RREB1: variants seen among roughly 807,000 people sequenced by gnomAD.
RREB1 encodes ras responsive element binding protein 1, also known as ras-responsive element-binding protein 1.
Under a neutral mutation model 117.8 loss-of-function variants are expected in RREB1, and 27 were observed. The observed-to-expected ratio is 0.23, with a 90% CI of 0.17 to 0.32. The LOEUF (loss-of-function observed/expected upper bound fraction) is 0.32. RREB1 is among the 10% of genes least tolerant of loss of function. The pLI is 1.00. For synonymous variants in RREB1, 1,298 were observed against 1,026.7 expected, an observed-to-expected ratio of 1.26 and a Z score of -5.05; for missense variants, 2,577 against 2,378.2, an observed-to-expected ratio of 1.08 and a Z score of -1.74.
chr6:7,110,174 T>C (rs1761066122), intron 1 of RREB1, among the ~76,000 whole-genome samples: 1 of 152,178 alleles, frequency 6.6e-6, no homozygotes, highest in Admixed American at 6.5e-5. Flanking sequence ...ATAAGTTTAA[T>C]TGAAGTGGAA....
rs199667523 is a variant in RREB1, at chr6:7,230,282, A to T, written c.2183A>T (p.Lys728Met). ...LRKKHLKATR[K>M]DIEKNIEYVS... Reference sequence around the variant, plus strand: ...AAGAAGCACCTCAAGGCCACCCGCAAGGATATCGAGAAGAACATCGAGTAT... The same window carrying T: ...AAGAAGCACCTCAAGGCCACCCGCATGGATATCGAGAAGAACATCGAGTAT... Residue 728 changes from lysine (K) to methionine (M), a missense_variant, in exon 10 of 13, where the codon AAG (lysine) becomes ATG (methionine). Coordinates refer to ENST00000379938, the MANE Select transcript of RREB1 (RefSeq NM_001003699.4). 20 of 1,596,434 alleles carry T rather than the reference A, an allele frequency of 1.3e-5. No individual in the cohort carries two copies. The African/African-American group carries it at 2.4e-4, about 19-fold the overall frequency.
chr6:7,121,490 A>G (rs111903766), intron 1 of RREB1, among the ~76,000 whole-genome samples: 2 of 152,176 alleles, frequency 1.3e-5, no homozygotes, highest in Non-Finnish European at 2.9e-5. Flanking sequence ...TGCCCTTAAT[A>G]TATTAGAGTT....
rs915280265 is a variant in RREB1 at position 7,182,024 on chromosome 6, A to C, written c.113A>C (p.Gln38Pro). Residue 38 changes from glutamine to proline, a missense_variant, in exon 4 of 13, where the codon CAG (glutamine) becomes CCG (proline). Coordinates refer to ENST00000379938, the MANE Select transcript of RREB1 (RefSeq NM_001003699.4). The part of the protein sequence containing the change: ...GKVTENGGSP[Q>P]GIKSPSKPPG... ...GTCACAGAGAATGGCGGGAGCCCCC[A>C]GGGGATCAAGTCCCCCTCGAAGCCT... The C allele has an allele frequency of 6.2e-7, 1 of 1,613,644 alleles. No homozygotes were observed. The highest frequency in any genetic ancestry group is 8.5e-7 in the Non-Finnish European group (1 of 1,179,932).
At chr6:7,186,677 G>A (rs1291947786) in intron 4 of RREB1, among the ~76,000 whole-genome samples, 2 of 152,142 alleles carry the variant, frequency 1.3e-5, no homozygotes, top group Non-Finnish European at 2.9e-5. Flanking sequence ...AACGACATTG[G>A]CTTTTTCTGA....
chr6:7,110,538 C>T (rs952070490), intron 1 of RREB1, among the ~76,000 whole-genome samples: 3 of 151,486 alleles, frequency 2.0e-5, no homozygotes, highest in Non-Finnish European at 2.9e-5. Flanking sequence ...CTTCTGGGTA[C>T]CCGCTGATGG....
chr6:7,109,290 G>A (rs1163032961), intron 1 of RREB1, among the ~76,000 whole-genome samples: 1 of 151,628 alleles, frequency 6.6e-6, no homozygotes, highest in Admixed American at 6.6e-5. Flanking sequence ...GCCTTGGGCC[G>A]GGCCCCCCGC....
intron 1 of RREB1, among the ~76,000 whole-genome samples, chr6:7,170,835 G>A (rs1764170700): frequency 6.6e-6 from 1 of 152,210 alleles, no homozygotes. Flanking sequence ...CTAAAGGAAG[G>A]TTTTCAGTGA....
intron 1 of RREB1, among the ~76,000 whole-genome samples, chr6:7,143,846 T>A (rs1410253018): frequency 8.8e-6 from 1 of 114,026 alleles, no homozygotes; most frequent in South Asian, 2.7e-4. Context: ...AGCCTTTTTT[T>A]CTTTCTTTTT....
intron 1 of RREB1, among the ~76,000 whole-genome samples, chr6:7,110,550 T>C (rs1761093664): frequency 6.6e-6 from 1 of 152,032 alleles, no homozygotes; most frequent in Non-Finnish European, 1.5e-5. Flanking sequence ...CGCTGATGGG[T>C]CCTGCTTTGA....
intron 6 of RREB1, among the ~76,000 whole-genome samples, chr6:7,198,099 G>A (rs1765758184): frequency 6.6e-6 from 1 of 152,190 alleles, no homozygotes; most frequent in Non-Finnish European, 1.5e-5. Flanking sequence ...GAAGGGTCCT[G>A]TGAACTTCCA....
intron 1 of RREB1, among the ~76,000 whole-genome samples, chr6:7,171,947 C>CTT (rs894735058): frequency 7.2e-5 from 10 of 139,386 alleles, no homozygotes; most frequent in South Asian, 2.3e-4. Context: ...GACCATTAGT[C>CTT]TTTTTTTTTT....
Position 7,231,675 on chromosome 6 carries a change from G to C in RREB1, c.3576G>C (p.Lys1192Asn), listed in dbSNP as rs749595162. The C allele has an allele frequency of 6.2e-7, 1 of 1,611,872 alleles. No homozygotes were observed. The stretch of plus-strand genomic sequence containing the variant: ...TGCTGGCCACCACAGACACCAACAA[G>C]TTCAGTCCGTTTCTGCAGACAGCGG... ...EKMLATTDTN[K>N]FSPFLQTAED... Residue 1192 changes from lysine to asparagine, a missense_variant, in exon 10 of 13, where the codon AAG becomes AAC. Transcript: ENST00000379938.
intron 1 of RREB1, among the ~76,000 whole-genome samples, chr6:7,118,801 ATTTTTTTTTTTTTTTTTT>A (rs70978942): frequency 2.1e-5 from 1 of 47,056 alleles, no homozygotes. Context: ...GTTTTTTTTA[ATTTTTTTTTTTTTTTTTT>A]TTTTTTTTTT....
At chr6:7,187,412 C>T (rs373220479) in intron 4 of RREB1, 22 bp from the exon 5 acceptor site, 2 of 1,447,526 alleles carry the variant, frequency 1.4e-6, no homozygotes, top group Non-Finnish European at 1.9e-6. Flanking sequence ...AATTTATCTT[C>T]CCTTTTAATC....
Position 7,230,621 on chromosome 6 carries a change from C to A in RREB1, c.2522C>A (p.Ala841Glu). The A allele has an allele frequency of 1.2e-6, 2 of 1,604,034 alleles. No homozygotes were observed. The highest frequency in any genetic ancestry group is 1.7e-6 in the Non-Finnish European group (2 of 1,175,538). The part of the protein sequence containing the change: ...LGPAEAPAAE[A>E]SGRGEDSGCA... ...CCCGCAGAGGCGCCGGCCGCTGAGG[C>A]GTCGGGGCGCGGGGAGGACAGTGGC... Residue 841 changes from alanine to glutamate, a missense_variant, in exon 10 of 13, where the codon GCG (alanine) becomes GAG (glutamate). Transcript: ENST00000379938.
intron 4 of RREB1, chr6:7,184,476 C>A (rs1764973350): frequency 6.6e-6 from 1 of 150,814 alleles, no homozygotes; most frequent in Admixed American, 6.6e-5. Context: ...CCAGGCTGGT[C>A]TCAAACTCCT....
At chr6:7,120,570 A>G (rs1160979580) in intron 1 of RREB1, among the ~76,000 whole-genome samples, 2 of 152,208 alleles carry the variant, frequency 1.3e-5, no homozygotes, top group Admixed American at 6.5e-5. Flanking sequence ...CTCGTATTCT[A>G]TCCTCCTTTT....
intron 7 of RREB1, among the ~76,000 whole-genome samples, 168 bp from the exon 8 acceptor site, chr6:7,211,405 G>A (rs532996077): frequency 4.4e-5 from 6 of 137,080 alleles, no homozygotes; most frequent in African/African-American, 1.1e-4. Context: ...CGTTCTGGGA[G>A]TATTTGTTGT....
intron 1 of RREB1, among the ~76,000 whole-genome samples, chr6:7,113,529 G>C (rs779466624): frequency 5.2e-4 from 79 of 152,178 alleles, no homozygotes; most frequent in Non-Finnish European, 1.0e-3. Flanking sequence ...GGAACACTGT[G>C]GGAGTTGGGT....
Sources: gnomAD v4.1 joint callset for allele counts (sites outside exome capture counted in the v4.1 genomes callset) on GRCh38, gnomAD v4.1.1 for gene constraint, MANE v1.5 for transcripts, NCBI Gene and HGNC (gene_info 2026-07-23, HGNC 2026-07-21) for gene names.